ZNF280D: variants seen among roughly 807,000 people sequenced by gnomAD.
The protein encoded by ZNF280D is zinc finger protein 280D, also known as suppressor of hairy wing homolog 4.
Under a neutral mutation model 94.7 loss-of-function variants are expected in ZNF280D, and 39 were observed. That is an observed-to-expected ratio of 0.41 (90% CI 0.32 to 0.54). The LOEUF (loss-of-function observed/expected upper bound fraction) is 0.54. Among genes scored for constraint, ZNF280D ranks in the 20% least tolerant of loss-of-function variants. ZNF280D has a pLI of 0.22. For synonymous variants in ZNF280D, 398 were observed against 377.6 expected (o/e 1.05, Z -0.63); for missense variants, 1,090 against 1,149.3 (o/e 0.95, Z 0.75).
chr15:56,680,822 C>G (rs2055565568), intron 10 of ZNF280D, among the ~76,000 whole-genome samples: 1 of 151,948 alleles, frequency 6.6e-6, no homozygotes, highest in Non-Finnish European at 1.5e-5. Flanking sequence ...AAAGGAAAGG[C>G]CAAAAAAATA....
At chr15:56,654,318 T>A (rs1215658332) in intron 18 of ZNF280D, 67 bp downstream of exon 18, 2 of 1,598,882 alleles carry the variant, frequency 1.3e-6, no homozygotes, top group Non-Finnish European at 1.7e-6. Flanking sequence ...AGAGACCATA[T>A]TGTGGATGAC....
intron 3 of ZNF280D, among the ~76,000 whole-genome samples, chr15:56,705,785 T>C (rs1474093758): frequency 1.3e-5 from 2 of 152,180 alleles, no homozygotes; most frequent in South Asian, 2.1e-4. Context: ...TGTGTCTTAA[T>C]TTTATATGTC....
chr15:56,708,664 A>C (rs2057563859), intron 1 of ZNF280D, among the ~76,000 whole-genome samples: 1 of 152,224 alleles, frequency 6.6e-6, no homozygotes, highest in African/African-American at 2.4e-5. Context: ...ACAGAGATAT[A>C]GGCCAATGGA....
At position 56,693,963 on chromosome 15, in the gene ZNF280D, G is replaced by C. The variant is rs1193347260; in HGVS notation, c.382-748C>G. On this transcript the variant is annotated intron_variant, in intron 6 of 21. Coordinates refer to ENST00000267807, the MANE Select transcript of ZNF280D (RefSeq NM_017661.4). The stretch of plus-strand genomic sequence containing the variant: ...AAATATGAAAGCAAACCGGTCAGTA[G>C]AGTGAACAAATAAGAATGCCAGGCA... Among the ~76,000 whole-genome samples, 6 of 152,108 alleles carry C rather than the reference G, an allele frequency of 3.9e-5. No individual in the cohort carries two copies. The East Asian group carries it at 1.2e-3, about 29-fold the overall frequency.
chr15:56,707,512 A>C (rs1390560769), intron 1 of ZNF280D, among the ~76,000 whole-genome samples: 2 of 152,194 alleles, frequency 1.3e-5, no homozygotes, highest in African/African-American at 4.8e-5. Context: ...TACTCGAAGA[A>C]ATGTGATGAT....
intron 10 of ZNF280D, among the ~76,000 whole-genome samples, chr15:56,681,497 A>G (rs1816030268): frequency 1.3e-5 from 2 of 152,166 alleles, no homozygotes; most frequent in Admixed American, 1.3e-4. Context: ...AAATTTTCAA[A>G]ACTCTGCTTA....
At chr15:56,670,759 G>T (rs148201391) in intron 13 of ZNF280D, among the ~76,000 whole-genome samples, 2 of 151,976 alleles carry the variant, frequency 1.3e-5, no homozygotes, top group African/African-American at 4.8e-5. Context: ...TCAAGGAATT[G>T]CCACACTCTC....
chr15:56,689,007 A>T, intron 9 of ZNF280D, 34 bp downstream of exon 9: 1 of 1,467,620 alleles, frequency 6.8e-7, no homozygotes, highest in African/African-American at 1.4e-5. Context: ...AAATGTGCAA[A>T]CTTTTTACAA....
intron 1 of ZNF280D, among the ~76,000 whole-genome samples, chr15:56,728,681 A>G (rs1484492622): frequency 6.6e-6 from 1 of 152,210 alleles, no homozygotes; most frequent in Non-Finnish European, 1.5e-5. Context: ...AAAGTTGCTA[A>G]GTACAGACAG....
intron 16 of ZNF280D, among the ~76,000 whole-genome samples, chr15:56,662,960 C>G (rs1349177374): frequency 6.6e-6 from 1 of 151,092 alleles, no homozygotes; most frequent in Non-Finnish European, 1.5e-5. Flanking sequence ...TGGGAACTAA[C>G]AAGGAATACC....
At chr15:56,653,137 C>T in intron 19 of ZNF280D, 1 of 1,002,440 alleles carries the variant, frequency 1.0e-6, no homozygotes, top group Non-Finnish European at 1.2e-6. Flanking sequence ...TTGTGGAGAC[C>T]TGTTGTTCCA....
chr15:56,654,182 T>TA lies in ZNF280D; in HGVS notation c.2213+15dup, dbSNP rs1186442703. 14 of 1,602,934 alleles carry TA rather than the reference T, an allele frequency of 8.7e-6. No homozygotes were observed. In the East Asian group the frequency reaches 2.9e-4, roughly 33 times the overall value. On this transcript the variant is annotated intron_variant, in intron 19 of 21. Transcript: ENST00000267807. Reference sequence around the variant, plus strand: ...ATCCATCAAAGTAAAATGCACTGAATAAAAATTAAACTTACTCAGAAAGGT... The same window carrying TA: ...ATCCATCAAAGTAAAATGCACTGAATAAAAAATTAAACTTACTCAGAAAGGT...
At chr15:56,636,492 T>A (rs1192791445) in intron 20 of ZNF280D, among the ~76,000 whole-genome samples, 3 of 150,384 alleles carry the variant, frequency 2.0e-5, no homozygotes, top group African/African-American at 4.9e-5. Context: ...CCTATTTTTT[T>A]TTTTTTTTTT....
chr15:56,697,818 C>T (rs544223634), intron 6 of ZNF280D: 2 of 152,018 alleles, frequency 1.3e-5, no homozygotes, highest in Non-Finnish European at 2.9e-5. Context: ...ACATAAATAA[C>T]ATTTTAATGA....
intron 20 of ZNF280D, among the ~76,000 whole-genome samples, chr15:56,641,206 G>A (rs1459618095): frequency 2.0e-5 from 3 of 151,838 alleles, no homozygotes; most frequent in African/African-American, 4.8e-5. Flanking sequence ...CAAGTTTTAT[G>A]TTCATCAAAT....
At chr15:56,710,508 G>A (rs1480659758) in intron 1 of ZNF280D, among the ~76,000 whole-genome samples, 2 of 151,538 alleles carry the variant, frequency 1.3e-5, no homozygotes, top group Non-Finnish European at 2.9e-5. Flanking sequence ...TTAATATACT[G>A]TTTGCATGGG....
intron 7 of ZNF280D, 79 bp from the exon 8 acceptor site, chr15:56,689,549 C>A: frequency 1.1e-6 from 1 of 919,030 alleles, no homozygotes; most frequent in Non-Finnish European, 1.5e-6. Context: ...TATTTTGGAG[C>A]TAAATTAAAG....
intron 14 of ZNF280D, among the ~76,000 whole-genome samples, chr15:56,667,645 A>T (rs1054124784): frequency 6.6e-6 from 1 of 152,196 alleles, no homozygotes; most frequent in Non-Finnish European, 1.5e-5. Flanking sequence ...ATTCTGGTTA[A>T]TCATTTGACT....
At chr15:56,652,976 A>T in intron 19 of ZNF280D, 4 of 915,076 alleles carry the variant, frequency 4.4e-6, no homozygotes, top group Non-Finnish European at 5.2e-6. Flanking sequence ...TAAAATAGAC[A>T]TTAATAAATT....
Sources: gnomAD v4.1 joint callset for allele counts (sites outside exome capture counted in the v4.1 genomes callset) on GRCh38, gnomAD v4.1.1 for gene constraint, MANE v1.5 for transcripts, NCBI Gene and HGNC (gene_info 2026-07-23, HGNC 2026-07-21) for gene names.